Variants in RNF157 observed in about 807,000 individuals in gnomAD.
The protein encoded by RNF157 is E3 ubiquitin ligase RNF157.
In RNF157, 55 loss-of-function variants were observed where a neutral mutation model predicts 88.3. The ratio of observed to expected loss-of-function variants is 0.62; its 90% confidence interval spans 0.50 to 0.78. RNF157 has a LOEUF of 0.78. RNF157 is among the 30% of genes least tolerant of loss of function. The pLI, the probability that RNF157 is intolerant of heterozygous loss-of-function variation, is 0.00. For missense variants in RNF157, 788 were observed against 860.8 expected (o/e 0.92, Z 1.06); for synonymous variants, 334 against 341.2 (o/e 0.98, Z 0.23).
At position 76,162,009 on chromosome 17, in the gene RNF157, A is replaced by G. The variant is rs745312108; in HGVS notation, c.793-7T>C. 5.6e-5 allele frequency: 90 copies of G among 1,611,750 alleles called. No homozygotes were observed. Among genetic ancestry groups the G allele is most frequent in the Middle Eastern group, 3.3e-4 (2 of 6,076 alleles). On this transcript the variant is annotated splice_region_variant and splice_polypyrimidine_tract_variant and intron_variant, in intron 9 of 18. Coordinates refer to ENST00000269391, the MANE Select transcript of RNF157 (RefSeq NM_052916.3). ...TCACTTCGTCTTCAGCCACCTGGCCAAGGAGAAAGAAATGTAGCCAATGGC... is the reference window on the plus strand; with the variant it reads ...TCACTTCGTCTTCAGCCACCTGGCCGAGGAGAAAGAAATGTAGCCAATGGC...
chr17:76,185,471 C>CTCTCTTTTTTTTTTTTTTTT (rs1214764584), intron 2 of RNF157, among the ~76,000 whole-genome samples: 1 of 144,368 alleles, frequency 6.9e-6, no homozygotes, highest in African/African-American at 2.7e-5. Context: ...GAGATTAGTC[C>CTCTCTTTTTTTTTTTTTTTT]TTTCTTTTTT....
chr17:76,227,619 T>A (rs2070115384), intron 1 of RNF157, among the ~76,000 whole-genome samples: 1 of 151,886 alleles, frequency 6.6e-6, no homozygotes, highest in Non-Finnish European at 1.5e-5. Flanking sequence ...GGCTCACGCC[T>A]GTAATCCCAG....
chr17:76,180,461 T>C (rs757092710), intron 2 of RNF157, among the ~76,000 whole-genome samples: 2 of 152,202 alleles, frequency 1.3e-5, no homozygotes, highest in Non-Finnish European at 2.9e-5. Context: ...CAATTACAGC[T>C]TGGCAAATCA....
intron 2 of RNF157, among the ~76,000 whole-genome samples, chr17:76,206,463 C>A (rs1382419949): frequency 3.3e-5 from 5 of 152,122 alleles, no homozygotes; most frequent in Admixed American, 2.6e-4. Flanking sequence ...GGGACCAGAG[C>A]AGAAAGACCT....
chr17:76,227,945 G>T (rs1358986891), intron 1 of RNF157, among the ~76,000 whole-genome samples: 1 of 152,038 alleles, frequency 6.6e-6, no homozygotes, highest in East Asian at 1.9e-4. Flanking sequence ...CAGAACCTGT[G>T]CTCTTAACCA....
Position 76,143,310 on chromosome 17 carries a change from G to C in RNF157, c.*1925C>G, listed in dbSNP as rs2068541100. On this transcript the variant is annotated 3_prime_UTR_variant, in exon 19 of 19. Transcript: ENST00000269391. ...TGGCCACTGTGGCTACTGTTTACCT[G>C]AATCTCCTTCATCTCAGCTCCTTCC... 1 of 152,270 alleles carries C rather than the reference G, an allele frequency of 6.6e-6. No individual in the cohort carries two copies. Among genetic ancestry groups the C allele is most frequent in the Non-Finnish European group, 1.5e-5 (1 of 68,156 alleles). The allele number at this position is 152,270 out of a possible 1,614,324, so 9.4% of individuals were successfully genotyped here.
chr17:76,181,651 T>C (rs2069189431), intron 2 of RNF157, among the ~76,000 whole-genome samples: 1 of 152,138 alleles, frequency 6.6e-6, no homozygotes, highest in African/African-American at 2.4e-5. Context: ...GGCTCACATC[T>C]AATCCCAGCA....
intron 2 of RNF157, among the ~76,000 whole-genome samples, chr17:76,180,991 TGAA>T (rs1487340164): frequency 6.6e-6 from 1 of 151,850 alleles, no homozygotes. Context: ...GACTGAAAAA[TGAA>T]GAATGTCAGT....
chr17:76,188,252 G>A lies in RNF157; in HGVS notation c.208-14462C>T, dbSNP rs116528313. On this transcript the variant is annotated intron_variant, in intron 2 of 18. Transcript: ENST00000269391. ...TACGTTCTCTTGTACTGCATCCCACGGCCTCCTACCTGGGATCACTCCACT... is the reference window on the plus strand; with the variant it reads ...TACGTTCTCTTGTACTGCATCCCACAGCCTCCTACCTGGGATCACTCCACT... Among the ~76,000 whole-genome samples the A allele has an allele frequency of 6.3e-3, 961 of 152,046 alleles. 9 individuals are homozygous for A. Among genetic ancestry groups the A allele is most frequent in the African/African-American group, 0.022 (916 of 41,462 alleles).
At chr17:76,208,808 C>T (rs1021523042) in intron 2 of RNF157, among the ~76,000 whole-genome samples, 2 of 151,888 alleles carry the variant, frequency 1.3e-5, no homozygotes, top group South Asian at 2.1e-4. Flanking sequence ...CCCATCTCTA[C>T]TAAAAAAACA....
rs746902450 is a variant in RNF157 at position 76,161,495 on chromosome 17, C to CTTTT, written c.1065+39_1065+40insAAAA. The CTTTT allele has an allele frequency of 3.5e-6, 5 of 1,426,106 alleles. No homozygotes were observed. Among genetic ancestry groups the CTTTT allele is most frequent in the Non-Finnish European group, 5.0e-6 (5 of 1,008,638 alleles). 88.3% of individuals were successfully genotyped at this position (1,426,106 alleles called of 1,614,324 possible). A position where few individuals can be genotyped will look rare whatever the true frequency, so the allele number is the denominator to read the frequency against. On this transcript the variant is annotated intron_variant, in intron 11 of 18. Coordinates refer to ENST00000269391, the MANE Select transcript of RNF157 (RefSeq NM_052916.3). The surrounding 1 kb of genome is among the most constrained non-coding windows in gnomAD (Gnocchi z 4.6). ...GAAAAGTTTAAAAAAGCCAATGAGG[C>CTTTT]ATTTGCTTCAGAGGGGCCGTGGTTC...
chr17:76,175,138 A>G (rs1424624348), intron 2 of RNF157, among the ~76,000 whole-genome samples: 1 of 152,088 alleles, frequency 6.6e-6, no homozygotes, highest in African/African-American at 2.4e-5. Context: ...TGAACATACT[A>G]TTTTGCAGTT....
At chr17:76,237,992 G>A (rs1275498566) in intron 1 of RNF157, among the ~76,000 whole-genome samples, 1 of 151,544 alleles carries the variant, frequency 6.6e-6, no homozygotes, top group Non-Finnish European at 1.5e-5. Context: ...ACTGAGGCGG[G>A]AGAATTGCTT....
At chr17:76,168,316 G>T (rs966430981) in intron 3 of RNF157, among the ~76,000 whole-genome samples, 1 of 152,080 alleles carries the variant, frequency 6.6e-6, no homozygotes, top group African/African-American at 2.4e-5. Flanking sequence ...GCTGCATCAT[G>T]ATTTTATTAT....
At chr17:76,193,454 A>G (rs889527160) in intron 2 of RNF157, among the ~76,000 whole-genome samples, 2 of 152,212 alleles carry the variant, frequency 1.3e-5, no homozygotes, top group Admixed American at 6.5e-5. Context: ...GTTAGGATAT[A>G]TCTCACTTGG....
At chr17:76,186,278 G>C (rs1403958257) in intron 2 of RNF157, among the ~76,000 whole-genome samples, 1 of 152,054 alleles carries the variant, frequency 6.6e-6, no homozygotes, top group African/African-American at 2.4e-5. Flanking sequence ...GGCTGAGGTG[G>C]GTGGATCACC....
At chr17:76,178,769 T>C (rs1247513960) in intron 2 of RNF157, among the ~76,000 whole-genome samples, 1 of 152,216 alleles carries the variant, frequency 6.6e-6, no homozygotes. Flanking sequence ...TGCAAAGAGG[T>C]TGAAAAACTT....
chr17:76,165,025 A>G (rs2068900802), intron 7 of RNF157, among the ~76,000 whole-genome samples: 1 of 152,188 alleles, frequency 6.6e-6, no homozygotes, highest in African/African-American at 2.4e-5. Flanking sequence ...GTTTTAGTTT[A>G]CTATTATTCT....
Position 76,142,757 on chromosome 17 carries a change from G to A in RNF157, c.*2478C>T, listed in dbSNP as rs1166545129. 6.6e-6 allele frequency: 1 copy of A among 152,428 alleles called. No individual in the cohort carries two copies. The highest frequency in any genetic ancestry group is 1.5e-5 in the Non-Finnish European group (1 of 68,156). The allele number at this position is 152,428 out of a possible 1,614,324, so 9.4% of individuals were successfully genotyped here. A position where few individuals can be genotyped will look rare whatever the true frequency, so the allele number is the denominator to read the frequency against. ...CTTAGAGTGTGGTGGTCTGTGCCCA[G>A]GAGATGCCTCAGCGGGGGTAGAAAC... On this transcript the variant is annotated 3_prime_UTR_variant, in exon 19 of 19. Transcript: ENST00000269391.
Sources: allele counts gnomAD v4.1 joint callset (sites outside exome capture counted in the v4.1 genomes callset), GRCh38; gene constraint gnomAD v4.1.1; non-coding constraint Gnocchi (gnomAD v3.1); transcripts MANE v1.5; gene names NCBI Gene and HGNC (gene_info 2026-07-23, HGNC 2026-07-21).